Variants in CNGA1 observed in about 807,000 individuals in gnomAD.
The protein encoded by CNGA1 is cyclic nucleotide-gated channel alpha-1.
A neutral mutation model predicts 69.7 loss-of-function variants in CNGA1; 53 were observed. That is an observed-to-expected ratio of 0.76 (90% confidence interval 0.61 to 0.96). CNGA1 has a LOEUF of 0.96. Among genes scored for constraint, CNGA1 ranks in the 40% least tolerant of loss-of-function variants. The pLI is 0.00. For missense variants in CNGA1, 739 were observed against 811.2 expected (o/e 0.91, Z 1.08); for synonymous variants, 249 against 283.5 (o/e 0.88, Z 1.22).
intron 2 of CNGA1, among the ~76,000 whole-genome samples, chr4:47,994,652 T>C (rs1005130549): frequency 1.3e-5 from 2 of 152,178 alleles, no homozygotes; most frequent in African/African-American, 4.8e-5. Context: ...AAGTGGAGCA[T>C]TTTGGCCATT....
chr4:47,937,249 A>G lies in CNGA1; in HGVS notation c.1233T>C (p.Asp411=). 4 of 1,614,116 alleles carry G rather than the reference A, an allele frequency of 2.5e-6. No individual in the cohort carries two copies. The highest frequency in any genetic ancestry group is 3.4e-6 in the Non-Finnish European group (4 of 1,180,030). ...GAAAATGCATATATTGCTTGATAGC[A>G]TCAATTCTTGCTTGAAATTCTGCTC... The part of the protein sequence containing the change: ...AARAEFQARI[D]AIKQYMHFRN... The change falls in exon 11 of 11, where the codon GAT becomes GAC. Residue 411 remains aspartate (D), a synonymous_variant. Transcript: ENST00000514170.
chr4:48,008,358 A>T, intron 2 of CNGA1, among the ~76,000 whole-genome samples: 1 of 152,138 alleles, frequency 6.6e-6, no homozygotes, highest in East Asian at 1.9e-4. Flanking sequence ...AAGCTTTCTT[A>T]CCAAAATATA....
chr4:48,010,966 C>T (rs1715133014), intron 1 of CNGA1, 73 bp from the exon 2 acceptor site: 1 of 152,326 alleles, frequency 6.6e-6, no homozygotes. Context: ...AACAGAGCTC[C>T]CGTACAAAGG....
chr4:47,977,889 C>T (rs761566083), intron 3 of CNGA1, among the ~76,000 whole-genome samples: 9 of 151,538 alleles, frequency 5.9e-5, no homozygotes, highest in East Asian at 1.9e-4. Flanking sequence ...TGCAATGGCA[C>T]GATCTCGGCT....
At chr4:47,994,550 T>C (rs1742402256) in intron 2 of CNGA1, among the ~76,000 whole-genome samples, 2 of 152,112 alleles carry the variant, frequency 1.3e-5, no homozygotes, top group African/African-American at 2.4e-5. Flanking sequence ...TATCTTAAGT[T>C]TATGTGAGTC....
chr4:47,968,445 G>A (rs184053290), intron 3 of CNGA1, among the ~76,000 whole-genome samples: 220 of 152,196 alleles, frequency 1.4e-3, no homozygotes, highest in African/African-American at 5.2e-3. Context: ...ATCTAACACA[G>A]TGAATCAGAA....
At chr4:47,987,919 GA>G in intron 2 of CNGA1, among the ~76,000 whole-genome samples, 1 of 152,230 alleles carries the variant, frequency 6.6e-6, no homozygotes, top group East Asian at 1.9e-4. Flanking sequence ...GAAAAGCAGA[GA>G]AGCCACTGTG....
At chr4:47,967,007 C>G (rs1578094107) in intron 3 of CNGA1, among the ~76,000 whole-genome samples, 1 of 152,018 alleles carries the variant, frequency 6.6e-6, no homozygotes, top group Non-Finnish European at 1.5e-5. Context: ...ATCAAATAAT[C>G]TACAGTTAAC....
chr4:48,000,908 TCAAA>T (rs949394166), intron 2 of CNGA1, among the ~76,000 whole-genome samples: 55 of 152,308 alleles, frequency 3.6e-4, no homozygotes, highest in African/African-American at 1.2e-3. Context: ...TACATCTTTT[TCAAA>T]CAAACAAAAA....
chr4:48,015,419 A>T (rs991200011), intron 1 of CNGA1, among the ~76,000 whole-genome samples: 12 of 152,178 alleles, frequency 7.9e-5, no homozygotes, highest in African/African-American at 2.4e-4. Flanking sequence ...CAAGAAAAAC[A>T]AGATTGAGGC....
At chr4:47,992,771 T>G (rs1187712362) in intron 2 of CNGA1, among the ~76,000 whole-genome samples, 4 of 152,046 alleles carry the variant, frequency 2.6e-5, no homozygotes, top group Non-Finnish European at 4.4e-5. Flanking sequence ...CTTGTTCCAG[T>G]TCTCAGAGGG....
intron 6 of CNGA1, among the ~76,000 whole-genome samples, chr4:47,945,120 T>C (rs563270074): frequency 6.6e-6 from 1 of 152,222 alleles, no homozygotes; most frequent in Admixed American, 6.5e-5. Flanking sequence ...CTCAGCACTT[T>C]GGGAGGTTGA....
At chr4:47,942,213 T>A in intron 8 of CNGA1, 65 bp from the exon 9 acceptor site, 1 of 991,506 alleles carries the variant, frequency 1.0e-6, no homozygotes, top group Non-Finnish European at 1.6e-6. Flanking sequence ...TTTACCATGT[T>A]AAACATCGTT....
intron 5 of CNGA1, among the ~76,000 whole-genome samples, chr4:47,950,943 G>A (rs1280556925): frequency 6.6e-6 from 1 of 152,202 alleles, no homozygotes. Context: ...AAGGATCAGA[G>A]AGAAACAAGA....
At chr4:47,959,915 A>C (rs567413596) in intron 3 of CNGA1, among the ~76,000 whole-genome samples, 4 of 151,812 alleles carry the variant, frequency 2.6e-5, no homozygotes, top group Non-Finnish European at 5.9e-5. Flanking sequence ...TCTAAAAGAA[A>C]TTCGCGATGC....
At chr4:47,981,275 T>A in intron 3 of CNGA1, 118 bp downstream of exon 3, 1 of 152,206 alleles carries the variant, frequency 6.6e-6, no homozygotes, top group East Asian at 1.9e-4. Flanking sequence ...CATAGCTGTA[T>A]CTAGAGAGCA....
Position 47,942,028 on chromosome 4 carries a change from AAAT to A in CNGA1, c.545+10_545+12del. 6.4e-7 allele frequency: 1 copy of A among 1,563,472 alleles called. No individual in the cohort carries two copies. Among genetic ancestry groups the A allele is most frequent in the Non-Finnish European group, 8.8e-7 (1 of 1,140,398 alleles). ...TGAGATCCACAAAAAAAAAAAAAAA[AAAT>A]TATAGACACCTGGCAATAACCATTG... On this transcript the variant is annotated intron_variant, in intron 9 of 10. Transcript: ENST00000514170.
intron 2 of CNGA1, among the ~76,000 whole-genome samples, chr4:48,007,096 C>T (rs1176540928): frequency 6.6e-5 from 10 of 151,396 alleles, no homozygotes; most frequent in African/African-American, 2.2e-4. Context: ...AGAGAGGACA[C>T]TTAACTTTCT....
intron 2 of CNGA1, among the ~76,000 whole-genome samples, chr4:47,989,868 C>T (rs543717432): frequency 1.1e-4 from 17 of 151,766 alleles, no homozygotes; most frequent in South Asian, 4.2e-4. Context: ...GAACCCCAAA[C>T]GGAGGGACCA....
Sources: gnomAD v4.1 joint callset for allele counts (sites outside exome capture counted in the v4.1 genomes callset) on GRCh38, gnomAD v4.1.1 for gene constraint, MANE v1.5 for transcripts, NCBI Gene and HGNC (gene_info 2026-07-23, HGNC 2026-07-21) for gene names.